ERGIC2: variants seen among roughly 807,000 people sequenced by gnomAD.
ERGIC2 encodes ERGIC and golgi 2.
ERGIC2 carries 31 observed loss-of-function variants against 52.5 expected under a neutral mutation model. The observed-to-expected ratio is 0.59, with a 90% CI of 0.44 to 0.80. ERGIC2 has a LOEUF of 0.80. Among genes scored for constraint, ERGIC2 ranks in the 30% least tolerant of loss-of-function variants. The probability of loss-of-function intolerance (pLI) is 0.00; values close to 1 mark genes in which losing one functional copy is unlikely to be tolerated. For synonymous variants in ERGIC2, 129 were observed against 140.6 expected, an observed-to-expected ratio of 0.92 and a Z score of 0.58; for missense variants, 395 against 455.2, an observed-to-expected ratio of 0.87 and a Z score of 1.20.
rs1940582928 is a variant in ERGIC2 at position 29,381,108 on chromosome 12, AT to A, written c.-38+6del. 1 of 152,110 alleles carries A rather than the reference AT, an allele frequency of 6.6e-6. No individual in the cohort carries two copies. The highest frequency in any genetic ancestry group is 1.5e-5 in the Non-Finnish European group (1 of 68,042). The allele number at this position is 152,110 out of a possible 1,614,324, so 9.4% of individuals were successfully genotyped here. A position where few individuals can be genotyped will look rare whatever the true frequency, so the allele number is the denominator to read the frequency against. ...GAACAGCACCCAGCGGTGTTTCAGT[AT>A]TTTACCTTGTGTTATGGTCCCAGCC... On this transcript the variant is annotated splice_donor_region_variant and intron_variant, in intron 1 of 13. Transcript: ENST00000360150.
chr12:29,368,220 G>A, intron 4 of ERGIC2, 21 bp downstream of exon 4: 1 of 1,499,570 alleles, frequency 6.7e-7, no homozygotes, highest in Non-Finnish European at 9.3e-7. Flanking sequence ...TGTGGATTCA[G>A]CAAGTTGAAG....
At position 29,377,258 on chromosome 12, in the gene ERGIC2, CATAA is replaced by C. The variant is rs940196633; in HGVS notation, c.-38+3853_-38+3856del. 3.3e-5 allele frequency among the ~76,000 whole-genome samples: 5 copies of C among 152,246 alleles called. No individual in the cohort carries two copies. The South Asian group carries it at 6.2e-4, about 19-fold the overall frequency. On this transcript the variant is annotated intron_variant, in intron 1 of 13. Coordinates refer to ENST00000360150, the MANE Select transcript of ERGIC2 (RefSeq NM_016570.3). The stretch of plus-strand genomic sequence containing the variant: ...CTTGAATATTAAAAAACAAAACAAA[CATAA>C]ATAAACTCCAGAAAGTCACTGATAA...
At position 29,366,063 on chromosome 12, in the gene ERGIC2, C is replaced by T. The variant is rs146247636; in HGVS notation, c.333+814G>A. On this transcript the variant is annotated intron_variant, in intron 5 of 13. Coordinates refer to ENST00000360150, the MANE Select transcript of ERGIC2 (RefSeq NM_016570.3). ...CCCATACATTCAGTCACTTCTACTC[C>T]CCCTCCTTCACCTTCACTCTTCACT... Among the ~76,000 whole-genome samples the T allele has an allele frequency of 2.3e-3, 355 of 151,930 alleles. 1 individual carries two copies. The highest frequency in any genetic ancestry group is 4.4e-3 in the Non-Finnish European group (300 of 67,850).
At chr12:29,341,695 A>G in intron 13 of ERGIC2, 39 bp downstream of exon 13, 1 of 1,042,666 alleles carries the variant, frequency 9.6e-7, no homozygotes, top group Non-Finnish European at 1.5e-6. Context: ...AATGATTCTA[A>G]GATTTAGAGA....
chr12:29,369,740 A>G (rs929573792), intron 3 of ERGIC2, among the ~76,000 whole-genome samples: 2 of 152,042 alleles, frequency 1.3e-5, no homozygotes, highest in Non-Finnish European at 2.9e-5. Flanking sequence ...ATTTATAGAC[A>G]TCAAGTCATA....
At chr12:29,345,391 A>G in intron 11 of ERGIC2, 52 bp downstream of exon 11, 1 of 1,049,598 alleles carries the variant, frequency 9.5e-7, no homozygotes, top group East Asian at 2.4e-5. Flanking sequence ...AAACTTTAAA[A>G]TGCTTTTTTA....
chr12:29,348,320 T>C (rs1940086025), intron 10 of ERGIC2, among the ~76,000 whole-genome samples: 1 of 152,038 alleles, frequency 6.6e-6, no homozygotes, highest in African/African-American at 2.4e-5. Context: ...AAAAACTAAA[T>C]CCTTAATTAC....
intron 4 of ERGIC2, among the ~76,000 whole-genome samples, chr12:29,367,925 G>A (rs929128032): frequency 2.0e-5 from 3 of 151,764 alleles, no homozygotes; most frequent in African/African-American, 7.2e-5. Flanking sequence ...TGTGAAACAT[G>A]GGTATAAAAG....
intron 12 of ERGIC2, among the ~76,000 whole-genome samples, chr12:29,342,179 T>G (rs1949844926): frequency 1.3e-5 from 2 of 152,170 alleles, no homozygotes; most frequent in Admixed American, 1.3e-4. Flanking sequence ...GCCCGGCTAA[T>G]TTTTTATATT....
chr12:29,345,346 C>T (rs2136850848), intron 11 of ERGIC2, 97 bp downstream of exon 11: 1 of 682,248 alleles, frequency 1.5e-6, no homozygotes, highest in Admixed American at 2.5e-5. Flanking sequence ...TGAGGGAAGA[C>T]ACCAAGTAAA....
At chr12:29,352,897 T>C (rs947902004) in intron 8 of ERGIC2, among the ~76,000 whole-genome samples, 1 of 152,078 alleles carries the variant, frequency 6.6e-6, no homozygotes, top group African/African-American at 2.4e-5. Context: ...TAAAAAAAAT[T>C]AAAAAATCAC....
chr12:29,356,394 A>G lies in ERGIC2; in HGVS notation c.560T>C (p.Ile187Thr). The change falls in exon 8 of 14, where the codon ATA (isoleucine) becomes ACA (threonine). Residue 187 changes from isoleucine to threonine, a missense_variant. Transcript: ENST00000360150. ...GAAAAGAACATACTTGCCCACTGTT[A>G]TGTGAAAATTCCCTGCTACTTTATT... ...YVNKVAGNFH[I>T]TVGKAIPHPR... The G allele has an allele frequency of 6.4e-7, 1 of 1,570,704 alleles. No homozygotes were observed. The highest frequency in any genetic ancestry group is 8.8e-7 in the Non-Finnish European group (1 of 1,140,484).
At chr12:29,373,661 A>G (rs1239689836) in intron 1 of ERGIC2, among the ~76,000 whole-genome samples, 3 of 152,212 alleles carry the variant, frequency 2.0e-5, no homozygotes, top group Admixed American at 6.5e-5. Flanking sequence ...GCATTAATAC[A>G]TTGATTTCCT....
chr12:29,341,833 GT>G lies in ERGIC2; in HGVS notation c.989-18del. The G allele has an allele frequency of 8.2e-7, 1 of 1,214,794 alleles. No homozygotes were observed. The highest frequency in any genetic ancestry group is 1.2e-6 in the Non-Finnish European group (1 of 819,536). 75.3% of individuals were successfully genotyped at this position (1,214,794 alleles called of 1,614,324 possible). On this transcript the variant is annotated intron_variant, in intron 12 of 13. Transcript: ENST00000360150. ...GTAACATGCCTGTAATAAACAATAAGTTTATGCTTTTAATTATTTCCTAAAC... is the reference window on the plus strand; with the variant it reads ...GTAACATGCCTGTAATAAACAATAAGTTATGCTTTTAATTATTTCCTAAAC...
At chr12:29,345,596 T>C in intron 10 of ERGIC2, 56 bp from the exon 11 acceptor site, 1 of 877,014 alleles carries the variant, frequency 1.1e-6, no homozygotes, top group East Asian at 2.4e-5. Flanking sequence ...TACTGCCAAA[T>C]ATATTCTTCT....
At chr12:29,342,030 T>C (rs1282337156) in intron 12 of ERGIC2, among the ~76,000 whole-genome samples, 1 of 152,172 alleles carries the variant, frequency 6.6e-6, no homozygotes, top group African/African-American at 2.4e-5. Context: ...ATCTTTTTTT[T>C]TTTGAGACGT....
At chr12:29,354,552 C>G (rs891584311) in intron 8 of ERGIC2, among the ~76,000 whole-genome samples, 1 of 152,128 alleles carries the variant, frequency 6.6e-6, no homozygotes, top group Non-Finnish European at 1.5e-5. Flanking sequence ...TTGAGACTGA[C>G]ATTGTGTCTG....
chr12:29,372,078 G>A (rs1290937450), intron 1 of ERGIC2, among the ~76,000 whole-genome samples: 2 of 152,102 alleles, frequency 1.3e-5, no homozygotes, highest in South Asian at 2.1e-4. Context: ...GGTCGCTCAC[G>A]CCTGTAATCC....
At position 29,356,462 on chromosome 12, in the gene ERGIC2, T is replaced by C. The variant is rs1565539304; in HGVS notation, c.492A>G (p.Ser164=). Residue 164 remains serine (S), a synonymous_variant, in exon 8 of 14, where the codon TCA becomes TCG. Coordinates refer to ENST00000360150, the MANE Select transcript of ERGIC2 (RefSeq NM_016570.3). ...TALPPREDDS[S]QSPNACRIHG... is the part of the protein sequence containing the mutation. ...GAATTCTGCATGCATTTGGAGACTG[T>C]GATGAATCATCTTCTCTGTTAAAAT... 3 of 1,574,880 alleles carry C rather than the reference T, an allele frequency of 1.9e-6. No homozygotes were observed. The East Asian group carries it at 6.7e-5, about 35-fold the overall frequency.
Sources: gnomAD v4.1 joint callset for allele counts (sites outside exome capture counted in the v4.1 genomes callset) on GRCh38, gnomAD v4.1.1 for gene constraint, MANE v1.5 for transcripts, NCBI Gene and HGNC (gene_info 2026-07-23, HGNC 2026-07-21) for gene names.